DHX36: variants seen among roughly 807,000 people sequenced by gnomAD.
DHX36 encodes DEAH-box helicase 36.
In DHX36, 50 loss-of-function variants were observed where a neutral mutation model predicts 139.0. The ratio of observed to expected loss-of-function variants is 0.36; its 90% CI spans 0.29 to 0.46. DHX36 has a LOEUF of 0.46. DHX36 is among the 20% of genes least tolerant of loss of function. DHX36 has a pLI of 1.00. For synonymous variants in DHX36, 425 were observed against 401.9 expected, an observed-to-expected ratio of 1.06 and a Z score of -0.69; for missense variants, 1,024 against 1,211.3, an observed-to-expected ratio of 0.85 and a Z score of 2.29.
intron 12 of DHX36, among the ~76,000 whole-genome samples, chr3:154,297,086 T>C (rs1474781481): frequency 1.3e-5 from 2 of 152,206 alleles, no homozygotes; most frequent in African/African-American, 4.8e-5. Flanking sequence ...GCCTGGTCTT[T>C]TCCATGACTT....
intron 12 of DHX36, among the ~76,000 whole-genome samples, chr3:154,297,678 C>T (rs1374645633): frequency 6.6e-6 from 1 of 150,968 alleles, no homozygotes; most frequent in East Asian, 1.9e-4. Flanking sequence ...CCACTGCACT[C>T]CAGCCTGGGA....
At chr3:154,297,809 T>G (rs1712102358) in intron 12 of DHX36, among the ~76,000 whole-genome samples, 1 of 152,080 alleles carries the variant, frequency 6.6e-6, no homozygotes, top group African/African-American at 2.4e-5. Context: ...AAAACAATTC[T>G]GTTGAAGACT....
intron 8 of DHX36, among the ~76,000 whole-genome samples, chr3:154,304,276 T>A (rs1712415850): frequency 2.6e-5 from 4 of 152,204 alleles, no homozygotes. Context: ...AAGAATGTGC[T>A]TTTGCAGCTG....
chr3:154,294,612 A>G (rs1300588764), intron 13 of DHX36, among the ~76,000 whole-genome samples: 1 of 152,172 alleles, frequency 6.6e-6, no homozygotes, highest in African/African-American at 2.4e-5. Context: ...CTCTGTATCT[A>G]ATTCATGACT....
chr3:154,292,608 A>G lies in DHX36; in HGVS notation c.1757T>C (p.Met586Thr), dbSNP rs1405105096. The G allele has an allele frequency of 2.5e-6, 4 of 1,613,902 alleles. No individual in the cohort carries two copies. The highest frequency in any genetic ancestry group is 2.5e-6 in the Non-Finnish European group (3 of 1,180,006). The change falls in exon 15 of 25, where the codon ATG becomes ACG. Residue 586 changes from methionine to threonine, a missense_variant. Physicochemically the swap from Met to Thr is moderately conservative, Grantham distance 81. Around this residue, in one of 4 missense-constraint regions of DHX36, gnomAD observed 470 missense variants for 616.2 expected, o/e 0.76. Coordinates refer to ENST00000496811, the MANE Select transcript of DHX36 (RefSeq NM_020865.3). ...AGCTTTACTAACCCACTCAGCGGAC[A>G]TTGTACTGATATTGTTCTGAGTATC... ...HFDTQNNISTMSAEWVSKANA... is the reference protein window; with the variant it reads ...HFDTQNNISTTSAEWVSKANA...
chr3:154,309,683 A>G lies in DHX36; in HGVS notation c.783T>C (p.Cys261=). The G allele has an allele frequency of 1.9e-6, 3 of 1,610,762 alleles. No individual in the cohort carries two copies. The highest frequency in any genetic ancestry group is 1.1e-5 in the South Asian group (1 of 90,116). ...RGKGSACRIV[C]TQPRRISAIS... Reference sequence around the variant, plus strand: ...TGGCACTAATTCTTCTTGGCTGAGTACAAACTATTCTGCAAGCAGATCCTT... The same window carrying G: ...TGGCACTAATTCTTCTTGGCTGAGTGCAAACTATTCTGCAAGCAGATCCTT... Residue 261 remains cysteine, a synonymous_variant, in exon 5 of 25, where the codon TGT becomes TGC. Transcript: ENST00000496811.
At chr3:154,303,235 T>C in intron 9 of DHX36, 94 bp downstream of exon 9, 2 of 853,026 alleles carry the variant, frequency 2.3e-6, no homozygotes, top group Non-Finnish European at 1.8e-6. Context: ...TACAAGGAAA[T>C]AGTCAATGAT....
intron 17 of DHX36, among the ~76,000 whole-genome samples, chr3:154,288,453 A>G (rs1177777239): frequency 6.6e-6 from 1 of 152,122 alleles, no homozygotes; most frequent in African/African-American, 2.4e-5. Flanking sequence ...ATGAGAGGGT[A>G]GGAAGGGGGC....
intron 5 of DHX36, among the ~76,000 whole-genome samples, chr3:154,308,544 G>A (rs989309202): frequency 2.0e-5 from 3 of 152,034 alleles, no homozygotes; most frequent in African/African-American, 7.3e-5. Flanking sequence ...AACTAAAAAC[G>A]ATGACGACAA....
intron 1 of DHX36, 149 bp from the exon 2 acceptor site, chr3:154,316,312 A>T: frequency 1.1e-6 from 1 of 948,144 alleles, no homozygotes; most frequent in Non-Finnish European, 1.6e-6. Context: ...CTAGCCCAAT[A>T]CCCCCCTTCC....
intron 22 of DHX36, 101 bp from the exon 23 acceptor site, chr3:154,277,819 CCAAA>C: frequency 9.1e-7 from 1 of 1,098,182 alleles, no homozygotes; most frequent in South Asian, 2.7e-5. Flanking sequence ...TTGGTAAAAA[CCAAA>C]CAAATCCCGG....
intron 1 of DHX36, among the ~76,000 whole-genome samples, chr3:154,319,586 T>G (rs183781782): frequency 7.2e-4 from 110 of 152,310 alleles, no homozygotes; most frequent in Admixed American, 1.3e-3. Context: ...AGCTCTGCAG[T>G]CCAGTTCCTT....
intron 1 of DHX36, among the ~76,000 whole-genome samples, chr3:154,321,309 G>A (rs910190694): frequency 1.3e-5 from 2 of 152,134 alleles, no homozygotes; most frequent in African/African-American, 4.8e-5. Context: ...AACTGAAAAT[G>A]TGCTTCCTTG....
chr3:154,297,832 A>T (rs1030853385), intron 12 of DHX36, among the ~76,000 whole-genome samples: 1 of 152,180 alleles, frequency 6.6e-6, no homozygotes, highest in South Asian at 2.1e-4. Flanking sequence ...ATAATTGGGA[A>T]AAAAAATTTA....
Position 154,274,795 on chromosome 3 carries a change from G to A in DHX36, c.*1376C>T, listed in dbSNP as rs920974034. 1.3e-5 allele frequency: 2 copies of A among 152,072 alleles called. No individual in the cohort carries two copies. The highest frequency in any genetic ancestry group is 2.9e-5 in the Non-Finnish European group (2 of 68,062). The allele number at this position is 152,072 out of a possible 1,614,324, so 9.4% of individuals were successfully genotyped here. On this transcript the variant is annotated 3_prime_UTR_variant, in exon 25 of 25. Coordinates refer to ENST00000496811, the MANE Select transcript of DHX36 (RefSeq NM_020865.3). ...CTTAGGGAAAGGGTCCAACATACCTGGACACAGAGCTGCACAGAAGGGAAC... is the reference window on the plus strand; with the variant it reads ...CTTAGGGAAAGGGTCCAACATACCTAGACACAGAGCTGCACAGAAGGGAAC...
At chr3:154,313,331 T>C (rs1319747372) in intron 3 of DHX36, among the ~76,000 whole-genome samples, 2 of 152,158 alleles carry the variant, frequency 1.3e-5, no homozygotes, top group Non-Finnish European at 2.9e-5. Flanking sequence ...AGATGTGAGA[T>C]AATTCAACTA....
chr3:154,281,243 A>G lies in DHX36; in HGVS notation c.2377-381T>C, dbSNP rs1719326147. 4.6e-5 allele frequency among the ~76,000 whole-genome samples: 7 copies of G among 152,250 alleles called. No individual in the cohort carries two copies. The South Asian group carries it at 1.4e-3, about 32-fold the overall frequency. ...TTTGTGAAAGACTAATAGAATTTTT[A>G]AAATTACTTTCCACCCCCATTTTTT... On this transcript the variant is annotated intron_variant, in intron 20 of 24. Transcript: ENST00000496811.
rs1161923925 is a variant in DHX36 at position 154,323,668 on chromosome 3, G to C, written c.243+506C>G. On this transcript the variant is annotated intron_variant, in intron 1 of 24. Coordinates refer to ENST00000496811, the MANE Select transcript of DHX36 (RefSeq NM_020865.3). ...ACATAAAAAACAAAAACCTAGGTTT[G>C]CAGATAATTTTAACACTAATAATAA... 2.6e-5 allele frequency among the ~76,000 whole-genome samples: 4 copies of C among 152,266 alleles called. No individual in the cohort carries two copies. The South Asian group carries it at 8.3e-4, about 32-fold the overall frequency.
At chr3:154,277,363 G>A (rs1481473037) in intron 23 of DHX36, among the ~76,000 whole-genome samples, 1 of 152,036 alleles carries the variant, frequency 6.6e-6, no homozygotes, top group Non-Finnish European at 1.5e-5. Flanking sequence ...AGCAAGTTCT[G>A]AAAGAAAATT....
Sources: allele counts gnomAD v4.1 joint callset (sites outside exome capture counted in the v4.1 genomes callset), GRCh38; gene constraint gnomAD v4.1.1; regional missense constraint gnomAD v4.1.1; transcripts MANE v1.5; gene names NCBI Gene and HGNC (gene_info 2026-07-23, HGNC 2026-07-21).